Variants in FRYL observed in about 807,000 individuals in gnomAD.
FRYL encodes the protein protein furry homolog-like.
FRYL carries 150 observed loss-of-function variants against 351.2 expected under a neutral mutation model. The ratio of observed to expected loss-of-function variants is 0.43; its 90% CI spans 0.37 to 0.49. FRYL has a LOEUF of 0.49. FRYL is among the 20% of genes least tolerant of loss of function. The pLI is 0.00. For missense variants in FRYL, 3,036 were observed against 3,619.3 expected, an observed-to-expected ratio of 0.84 and a Z score of 4.13; for synonymous variants, 1,153 against 1,257.1, an observed-to-expected ratio of 0.92 and a Z score of 1.75.
intron 3 of FRYL, among the ~76,000 whole-genome samples, chr4:48,676,264 C>T (rs1751512624): frequency 6.6e-6 from 1 of 152,170 alleles, no homozygotes; most frequent in African/African-American, 2.4e-5. Flanking sequence ...TCTTTGGGTC[C>T]ATGCTGCTTT....
intron 1 of FRYL, among the ~76,000 whole-genome samples, chr4:48,712,524 A>G (rs1355874170): frequency 6.6e-6 from 1 of 152,218 alleles, no homozygotes; most frequent in African/African-American, 2.4e-5. Flanking sequence ...GAGAAAAAAG[A>G]ATAAAAAGAA....
At chr4:48,511,681 A>G (rs1246525690) in intron 57 of FRYL, among the ~76,000 whole-genome samples, 2 of 152,214 alleles carry the variant, frequency 1.3e-5, no homozygotes, top group African/African-American at 4.8e-5. Context: ...CCAAGTAGTG[A>G]TGCAATAAGT....
intron 3 of FRYL, among the ~76,000 whole-genome samples, chr4:48,651,002 T>C (rs1200096399): frequency 2.0e-5 from 3 of 152,256 alleles, no homozygotes; most frequent in African/African-American, 4.8e-5. Context: ...CTACCTACCA[T>C]CATGGAGAGC....
chr4:48,780,055 G>C (rs1365141001), intron 1 of FRYL, 23 bp downstream of exon 1: 1 of 152,196 alleles, frequency 6.6e-6, no homozygotes, highest in East Asian at 1.9e-4. Flanking sequence ...AAAATGAAGC[G>C]CCTTTCCCCA....
At chr4:48,557,373 GA>G in intron 34 of FRYL, 79 bp downstream of exon 34, 6 of 1,529,710 alleles carry the variant, frequency 3.9e-6, no homozygotes, top group Non-Finnish European at 5.4e-6. Flanking sequence ...CAGGATTATG[GA>G]ACCTCTTCAT....
chr4:48,601,693 C>T, intron 13 of FRYL, among the ~76,000 whole-genome samples: 1 of 152,062 alleles, frequency 6.6e-6, no homozygotes, highest in East Asian at 1.9e-4. Context: ...AAATAAGTAT[C>T]TAGAAGGTTT....
chr4:48,627,928 G>A (rs1279853129), intron 4 of FRYL, among the ~76,000 whole-genome samples: 1 of 151,982 alleles, frequency 6.6e-6, no homozygotes, highest in Non-Finnish European at 1.5e-5. Flanking sequence ...CTACTACCAC[G>A]TCCAGCTAGT....
Position 48,515,118 on chromosome 4 carries a change from T to C in FRYL, c.7847A>G (p.Glu2616Gly). Residue 2616 changes from glutamate to glycine, a missense_variant, in exon 56 of 64, where the codon GAG (glutamate) becomes GGG (glycine). Transcript: ENST00000358350. ...GGTAACATCCTCTTCACAGACTGAC[T>C]CGGGGTAACTTTCAGGAGCTAGAGG... Reference protein sequence around the residue: ...PEPLAPESYPESVCEEDVTLA... With the variant: ...PEPLAPESYPGSVCEEDVTLA... 1 of 1,613,964 alleles carries C rather than the reference T, an allele frequency of 6.2e-7. No homozygotes were observed. Among genetic ancestry groups the C allele is most frequent in the Non-Finnish European group, 8.5e-7 (1 of 1,179,894 alleles).
At chr4:48,653,157 A>C (rs538245310) in intron 3 of FRYL, among the ~76,000 whole-genome samples, 1 of 152,334 alleles carries the variant, frequency 6.6e-6, no homozygotes, top group African/African-American at 2.4e-5. Flanking sequence ...AGTTGTATTG[A>C]CTTAACTGAA....
At chr4:48,652,330 G>A (rs1309391898) in intron 3 of FRYL, among the ~76,000 whole-genome samples, 2 of 152,302 alleles carry the variant, frequency 1.3e-5, no homozygotes, top group South Asian at 2.1e-4. Flanking sequence ...AAAGTACATG[G>A]TGAGGATGGG....
chr4:48,553,224 C>A lies in FRYL; in HGVS notation c.4426G>T (p.Val1476Phe). The part of the protein sequence containing the change: ...RITSSYKIPS[V>F]TSGTTSSSNT... ...TTAACAAATTTCTCACCTGAGGTGACAGAAGGGATTTTATAGCTGGAAGTG... is the reference window on the plus strand; with the variant it reads ...TTAACAAATTTCTCACCTGAGGTGAAAGAAGGGATTTTATAGCTGGAAGTG... Residue 1476 changes from valine (V) to phenylalanine (F), a missense_variant, in exon 36 of 64, where the codon GTC (valine) becomes TTC (phenylalanine). Val to Phe is a conservative substitution (Grantham distance 50). Coordinates refer to ENST00000358350, the MANE Select transcript of FRYL (RefSeq NM_015030.2). 6.2e-7 allele frequency: 1 copy of A among 1,610,760 alleles called. No individual in the cohort carries two copies. The highest frequency in any genetic ancestry group is 8.5e-7 in the Non-Finnish European group (1 of 1,178,808).
rs1735880389 is a variant in FRYL at position 48,563,102 on chromosome 4, T to G, written c.3597-114A>C. 1.9e-5 allele frequency: 12 copies of G among 638,038 alleles called. No homozygotes were observed. The South Asian group carries it at 2.8e-4, about 15-fold the overall frequency. 39.5% of individuals were successfully genotyped at this position (638,038 alleles called of 1,614,324 possible). ...TATAGGCATCTATCTTCTAAGCCTATGAGGAGACTTGGTTTTTTCAAGGCA... is the reference window on the plus strand; with the variant it reads ...TATAGGCATCTATCTTCTAAGCCTAGGAGGAGACTTGGTTTTTTCAAGGCA... On this transcript the variant is annotated intron_variant, in intron 31 of 63. Transcript: ENST00000358350.
intron 1 of FRYL, among the ~76,000 whole-genome samples, chr4:48,767,411 A>G (rs1475033564): frequency 3.9e-5 from 6 of 152,214 alleles, no homozygotes; most frequent in East Asian, 1.9e-4. Flanking sequence ...ACAATTCGAC[A>G]TGAGATTTGG....
Position 48,540,386 on chromosome 4 carries a change from T to G in FRYL, c.6262A>C (p.Lys2088Gln), listed in dbSNP as rs1463806383. 16 of 1,613,714 alleles carry G rather than the reference T, an allele frequency of 9.9e-6. No individual in the cohort carries two copies. Among genetic ancestry groups the G allele is most frequent in the East Asian group, 2.2e-5 (1 of 44,872 alleles). The change falls in exon 46 of 64, where the codon AAA becomes CAA. Residue 2088 changes from lysine to glutamine, a missense_variant. By Grantham distance (53) the Lys-to-Gln change is moderately conservative. Around this residue, in one of 7 missense-constraint regions of FRYL, gnomAD observed 1,987 missense variants for 2,311.7 expected, o/e 0.86. Coordinates refer to ENST00000358350, the MANE Select transcript of FRYL (RefSeq NM_015030.2). ...HLLSKLISVS[K>Q]HTLVDPSQLS... ...TGGGAAGGATCCACCAATGTATGTT[T>G]GGAGACAGAAATGAGTTTACTGAGG...
Position 48,553,403 on chromosome 4 carries a change from T to C in FRYL, c.4267-20A>G. The C allele has an allele frequency of 1.3e-6, 2 of 1,585,614 alleles. No homozygotes were observed. The highest frequency in any genetic ancestry group is 1.7e-6 in the Non-Finnish European group (2 of 1,165,178). On this transcript the variant is annotated intron_variant, in intron 35 of 63. Coordinates refer to ENST00000358350, the MANE Select transcript of FRYL (RefSeq NM_015030.2). ...CTTCACCTGTCACAAAAGAAATCGT[T>C]CAGAAAAGAAAAAGCAAAGTTTTTA... is the stretch of plus-strand genomic sequence containing the variant.
Position 48,709,167 on chromosome 4 carries a change from G to A in FRYL, c.-204+1352C>T, listed in dbSNP as rs186782450. Among the ~76,000 whole-genome samples, 22 of 151,856 alleles carry A rather than the reference G, an allele frequency of 1.4e-4. No homozygotes were observed. In the East Asian group the frequency reaches 2.5e-3, roughly 17 times the overall value. ...GATCTCCTGACCTCGTGATCTGCCCGCCTCGGCTTCCCAAAGTGCTGGGAT... is the reference window on the plus strand; with the variant it reads ...GATCTCCTGACCTCGTGATCTGCCCACCTCGGCTTCCCAAAGTGCTGGGAT... On this transcript the variant is annotated intron_variant, in intron 2 of 63. Transcript: ENST00000358350.
Position 48,540,702 on chromosome 4 carries a change from TAGAG to T in FRYL, c.5942_5945del (p.Ser1981Ter). The T allele has an allele frequency of 6.2e-7, 1 of 1,613,928 alleles. No homozygotes were observed. The highest frequency in any genetic ancestry group is 8.5e-7 in the Non-Finnish European group (1 of 1,179,830). ...GCACGTCATACATTCCTTTCTCTCT[TAGAG>T]AGGAAAGGCTTCTAGTCCTTGCTAA... On this transcript the variant is annotated frameshift_variant, in exon 46 of 64. Transcript: ENST00000358350. LOFTEE classifies it high-confidence loss of function.
At chr4:48,543,741 T>C in intron 44 of FRYL, 66 bp downstream of exon 44, 1 of 1,388,502 alleles carries the variant, frequency 7.2e-7, no homozygotes, top group East Asian at 2.3e-5. Flanking sequence ...TAGCAATCTA[T>C]ATGGACAATA....
intron 2 of FRYL, among the ~76,000 whole-genome samples, chr4:48,690,264 T>C (rs1218503170): frequency 1.3e-5 from 2 of 152,098 alleles, no homozygotes; most frequent in East Asian, 1.9e-4. Context: ...TTTTTTTCCA[T>C]TAAACCAATT....
Sources: allele counts gnomAD v4.1 joint callset (sites outside exome capture counted in the v4.1 genomes callset), GRCh38; gene constraint gnomAD v4.1.1; regional missense constraint gnomAD v4.1.1; transcripts MANE v1.5; gene names NCBI Gene and HGNC (gene_info 2026-07-23, HGNC 2026-07-21).